Variants in TBXAS1 observed in about 807,000 individuals in gnomAD.
TBXAS1 encodes thromboxane A synthase 1.
A neutral mutation model predicts 60.7 loss-of-function variants in TBXAS1; 48 were observed. The ratio of observed to expected loss-of-function variants is 0.79; its 90% CI spans 0.63 to 1.01. TBXAS1 has a LOEUF of 1.01. Among genes scored for constraint, TBXAS1 ranks in the 50% least tolerant of loss-of-function variants. The pLI is 0.00. For missense variants in TBXAS1, 685 were observed against 686.3 expected (o/e 1.00, Z 0.02); for synonymous variants, 287 against 269.7 (o/e 1.06, Z -0.63).
At chr7:139,856,753 G>A (rs1800610551) in intron 1 of TBXAS1, among the ~76,000 whole-genome samples, 1 of 152,114 alleles carries the variant, frequency 6.6e-6, no homozygotes, top group South Asian at 2.1e-4. Context: ...TGAAGCAAAG[G>A]ACAGGAAAAC....
At position 140,004,631 on chromosome 7, in the gene TBXAS1, A is replaced by T. The variant is rs1813919036; in HGVS notation, c.1135-2460A>T. On this transcript the variant is annotated intron_variant, in intron 9 of 12. Coordinates refer to ENST00000448866, the MANE Select transcript of TBXAS1 (RefSeq NM_001061.7). The surrounding 1 kb of genome is among the most constrained non-coding windows in gnomAD (Gnocchi z 5.1). ...CATACTGGATGAGCGGGGGGAGTCCAGACCCTTCCAGGCATCCAAGGGCCC... is the reference window on the plus strand; with the variant it reads ...CATACTGGATGAGCGGGGGGAGTCCTGACCCTTCCAGGCATCCAAGGGCCC... Among the ~76,000 whole-genome samples, 1 of 152,196 alleles carries T rather than the reference A, an allele frequency of 6.6e-6. No homozygotes were observed. Among genetic ancestry groups the T allele is most frequent in the South Asian group, 2.1e-4 (1 of 4,822 alleles).
intron 5 of TBXAS1, among the ~76,000 whole-genome samples, chr7:139,938,531 G>T (rs577663782): frequency 6.6e-6 from 1 of 152,302 alleles, no homozygotes; most frequent in Admixed American, 6.5e-5. Context: ...ATTCACAGGA[G>T]AATGTGAAGG....
At chr7:139,811,357 A>G (rs1569493359) in intron 4 of TBXAS1, among the ~76,000 whole-genome samples, 1 of 152,212 alleles carries the variant, frequency 6.6e-6, no homozygotes, top group Non-Finnish European at 1.5e-5. Context: ...TTCTCACTGG[A>G]TGCTTCAAAA....
intron 12 of TBXAS1, among the ~76,000 whole-genome samples, chr7:140,018,562 C>T (rs71543352): frequency 6.6e-6 from 1 of 152,156 alleles, no homozygotes; most frequent in East Asian, 1.9e-4. Context: ...CTATCTCCCC[C>T]CCACATCACA....
At chr7:139,940,978 AAT>A (rs67976156) in intron 5 of TBXAS1, among the ~76,000 whole-genome samples, 114,355 of 151,814 alleles carry the variant, frequency 0.75, 43,150 homozygotes, top group Admixed American at 0.8. Flanking sequence ...GAGAGTCACC[AAT>A]ATATATACAC....
At chr7:139,909,076 C>A (rs1322637285) in intron 3 of TBXAS1, among the ~76,000 whole-genome samples, 5 of 152,266 alleles carry the variant, frequency 3.3e-5, no homozygotes, top group Admixed American at 2.0e-4. Context: ...TACATTATTT[C>A]TCTCTGGCTG....
chr7:139,959,973 C>G (rs1489184981), intron 8 of TBXAS1, among the ~76,000 whole-genome samples: 1 of 152,114 alleles, frequency 6.6e-6, no homozygotes, highest in Non-Finnish European at 1.5e-5. Flanking sequence ...GCCCATTGAC[C>G]GAGCAGCAGG....
At chr7:139,821,248 G>A (rs1798287213) in intron 4 of TBXAS1, among the ~76,000 whole-genome samples, 1 of 152,174 alleles carries the variant, frequency 6.6e-6, no homozygotes, top group African/African-American at 2.4e-5. Context: ...GGAGGCTGCG[G>A]CAATGAGTCT....
At chr7:139,883,175 C>A (rs1267421490) in intron 3 of TBXAS1, among the ~76,000 whole-genome samples, 4 of 152,120 alleles carry the variant, frequency 2.6e-5, no homozygotes, top group Non-Finnish European at 5.9e-5. Flanking sequence ...TGGCTTAGAC[C>A]AAAGAGACAG....
At chr7:139,921,220 T>G (rs1480286810) in intron 4 of TBXAS1, among the ~76,000 whole-genome samples, 2 of 152,140 alleles carry the variant, frequency 1.3e-5, no homozygotes, top group African/African-American at 4.8e-5. Flanking sequence ...GAGGGTTCCC[T>G]CATGCCTCTT....
At chr7:139,823,068 T>C (rs965878439) in intron 4 of TBXAS1, among the ~76,000 whole-genome samples, 1 of 151,788 alleles carries the variant, frequency 6.6e-6, no homozygotes, top group Non-Finnish European at 1.5e-5. Context: ...GCGTCAGCCA[T>C]GCTCCCTCCG....
chr7:139,973,683 A>C (rs776302833), intron 9 of TBXAS1, among the ~76,000 whole-genome samples: 3 of 151,904 alleles, frequency 2.0e-5, no homozygotes, highest in Non-Finnish European at 4.4e-5. Context: ...CTCCCCTGTG[A>C]ATTGCAATGC....
intron 3 of TBXAS1, among the ~76,000 whole-genome samples, 197 bp from the exon 4 acceptor site, chr7:139,911,028 G>C (rs886589669): frequency 3.3e-5 from 5 of 152,174 alleles, no homozygotes; most frequent in African/African-American, 1.2e-4. Flanking sequence ...TTCCATGAGT[G>C]CTGGTGGAAA....
intron 1 of TBXAS1, among the ~76,000 whole-genome samples, chr7:139,847,886 A>G (rs1017059223): frequency 3.3e-5 from 5 of 152,140 alleles, no homozygotes; most frequent in Admixed American, 3.3e-4. Flanking sequence ...CAGTGGTGCA[A>G]TCATAGCTCA....
At chr7:139,966,483 AT>A (rs1810797411) in intron 9 of TBXAS1, among the ~76,000 whole-genome samples, 1 of 151,942 alleles carries the variant, frequency 6.6e-6, no homozygotes, top group Non-Finnish European at 1.5e-5. Context: ...CTCTCTCCCC[AT>A]TTCTCAGCTC....
At chr7:139,865,031 A>C (rs78577568) in intron 1 of TBXAS1, among the ~76,000 whole-genome samples, 4,015 of 152,312 alleles carry the variant, frequency 0.026, 78 homozygotes, top group Non-Finnish European at 0.041. Context: ...TCTCGTTTGC[A>C]GGTTGTATTT....
chr7:139,918,010 G>A (rs912972902), intron 4 of TBXAS1, among the ~76,000 whole-genome samples: 1 of 152,086 alleles, frequency 6.6e-6, no homozygotes, highest in Admixed American at 6.5e-5. Context: ...TCTCTCAATG[G>A]ATATATTCCA....
chr7:139,782,055 G>A (rs542021680), intron 2 of TBXAS1, among the ~76,000 whole-genome samples: 6 of 151,672 alleles, frequency 4.0e-5, no homozygotes, highest in Admixed American at 1.3e-4. Flanking sequence ...AAGCAGAGAG[G>A]GCCTTACCAG....
intron 4 of TBXAS1, among the ~76,000 whole-genome samples, chr7:139,814,240 C>T (rs572087496): frequency 7.9e-5 from 12 of 152,202 alleles, no homozygotes; most frequent in East Asian, 1.9e-4. Flanking sequence ...TTGTTTTCCA[C>T]GAAGGTTTAA....
Sources: gnomAD v4.1 joint callset for allele counts (sites outside exome capture counted in the v4.1 genomes callset) on GRCh38, gnomAD v4.1.1 for gene constraint, Gnocchi (gnomAD v3.1) non-coding constraint, MANE v1.5 for transcripts, NCBI Gene and HGNC (gene_info 2026-07-23, HGNC 2026-07-21) for gene names.